The following MBTPS2 variants were observed in gnomAD, a reference collection of about 807,000 sequenced individuals.
MBTPS2 encodes membrane bound transcription factor peptidase, site 2.
A neutral mutation model predicts 35.4 loss-of-function variants in MBTPS2; 2 were observed. The observed-to-expected ratio is 0.06, with a 90% confidence interval of 0.02 to 0.18. The LOEUF (loss-of-function observed/expected upper bound fraction) is 0.18, where lower values mean the gene tolerates loss of function less well. MBTPS2 is among the 10% of genes least tolerant of loss of function. The pLI is 1.00. For synonymous variants in MBTPS2, 125 were observed against 140.4 expected, an observed-to-expected ratio of 0.89 and a Z score of 0.77; for missense variants, 244 against 386.5, an observed-to-expected ratio of 0.63 and a Z score of 3.09.
Position 21,845,394 on chromosome X carries a change from G to A in MBTPS2, c.438+10G>A, listed in dbSNP as rs762399077. 2.9e-5 allele frequency: 34 copies of A among 1,184,583 alleles called. No homozygotes were observed. The highest frequency in any genetic ancestry group is 7.1e-5 in the African/African-American group (4 of 56,124). ...GGTGTTACAAGTTGTGGTAAGTATCGTCTTTTCGCTTTAAATAACTATCGA... is the reference window on the plus strand; with the variant it reads ...GGTGTTACAAGTTGTGGTAAGTATCATCTTTTCGCTTTAAATAACTATCGA... On this transcript the variant is annotated intron_variant, in intron 3 of 10. Coordinates refer to ENST00000379484, the MANE Select transcript of MBTPS2 (RefSeq NM_015884.4).
intron 5 of MBTPS2, chrX:21,858,606 A>G (rs1481377788): frequency 8.1e-6 from 1 of 123,008 alleles, no homozygotes; most frequent in Non-Finnish European, 1.9e-5. Context: ...AAATGCCAAT[A>G]GTGTCAGGTG....
intron 4 of MBTPS2, 138 bp from the exon 5 acceptor site, chrX:21,853,238 T>A: frequency 2.4e-6 from 1 of 408,717 alleles, no homozygotes; most frequent in South Asian, 4.4e-5. Flanking sequence ...AGATATAATT[T>A]TTTTGGCTGT....
rs1352897610 is a variant in MBTPS2, at chrX:21,882,536, A to G, written c.1441A>G (p.Thr481Ala). The G allele has an allele frequency of 8.3e-7, 1 of 1,208,944 alleles. No homozygotes were observed. Among genetic ancestry groups the G allele is most frequent in the Non-Finnish European group, 1.1e-6 (1 of 894,307 alleles). The change falls in exon 11 of 11, where the codon ACC (threonine) becomes GCC (alanine). Residue 481 changes from threonine to alanine, a missense_variant. Transcript: ENST00000379484. The part of the protein sequence containing the change: ...ILNSFLDATL[T>A]SVIGDNDVKD... The stretch of plus-strand genomic sequence containing the variant: ...AAACTCTTTCTTGGATGCCACCCTT[A>G]CCTCAGTGATTGGAGACAATGATGT...
intron 7 of MBTPS2, among the ~76,000 whole-genome samples, chrX:21,874,502 G>A (rs2092951041): frequency 8.9e-6 from 1 of 111,751 alleles, no homozygotes; most frequent in Admixed American, 9.5e-5. Context: ...GATACAGAAA[G>A]TGGTAAGCAC....
chrX:21,862,180 G>A (rs373768251), intron 5 of MBTPS2, among the ~76,000 whole-genome samples: 25 of 110,293 alleles, frequency 2.3e-4, no homozygotes, highest in African/African-American at 7.6e-4. Flanking sequence ...CCCATACCCC[G>A]CCCCATAAGG....
intron 9 of MBTPS2, 136 bp from the exon 10 acceptor site, chrX:21,880,761 G>A: frequency 2.0e-6 from 1 of 491,462 alleles, no homozygotes; most frequent in Non-Finnish European, 3.6e-6. Flanking sequence ...GAGGTATATG[G>A]CCTGCATATG....
At chrX:21,856,981 C>T (rs891364185) in intron 5 of MBTPS2, 1 of 1,211,785 alleles carries the variant, frequency 8.3e-7, no homozygotes, top group African/African-American at 1.7e-5. Flanking sequence ...AGCCTGGGCA[C>T]GAGGAAGTGG....
intron 1 of MBTPS2, 123 bp downstream of exon 1, chrX:21,839,932 T>C: frequency 1.5e-6 from 1 of 661,044 alleles, no homozygotes; most frequent in Admixed American, 2.7e-5. Context: ...ACAGTCCGCG[T>C]GGTGGATCGG....
intron 3 of MBTPS2, among the ~76,000 whole-genome samples, chrX:21,850,974 T>C (rs773410457): frequency 1.8e-5 from 2 of 111,997 alleles, no homozygotes; most frequent in Non-Finnish European, 3.8e-5. Flanking sequence ...CCAGCTTTCA[T>C]TACCAACTCA....
At position 21,839,800 on chromosome X, in the gene MBTPS2, G is replaced by C; in HGVS notation, c.66G>C (p.Leu22Phe). The stretch of plus-strand genomic sequence containing the variant: ...GGACTGTCGTCTACCTGACCGACTT[G>C]GTGCTGAAGGTGAGGGCCTTGGGCC... ...GGWTVVYLTDLVLKSSVYFKH... is the reference protein window; with the variant it reads ...GGWTVVYLTDFVLKSSVYFKH... Residue 22 changes from leucine (L) to phenylalanine (F), a missense_variant, in exon 1 of 11, where the codon TTG (leucine) becomes TTC (phenylalanine). Leu to Phe is a conservative substitution (Grantham distance 22, BLOSUM62 0). Coordinates refer to ENST00000379484, the MANE Select transcript of MBTPS2 (RefSeq NM_015884.4). 8.4e-7 allele frequency: 1 copy of C among 1,192,809 alleles called. No individual in the cohort carries two copies. The highest frequency in any genetic ancestry group is 1.8e-5 in the South Asian group (1 of 54,404).
chrX:21,857,766 T>A, intron 5 of MBTPS2: 1 of 559,575 alleles, frequency 1.8e-6, no homozygotes, highest in Non-Finnish European at 2.7e-6. Flanking sequence ...AAATAGAATT[T>A]AAACGTTTTT....
rs1224164831 is a variant in MBTPS2, at chrX:21,868,496, T to C, written c.700T>C (p.Leu234=). ...GIWHNFVLAL[L]GILALVLLPV... ...CTGGCATAATTTTGTCCTTGCACTC[T>C]TGGGTATTTTAGCTCTTGTTCTCCT... Residue 234 remains leucine (L), a synonymous_variant, in exon 6 of 11, where the codon TTG becomes CTG. Coordinates refer to ENST00000379484, the MANE Select transcript of MBTPS2 (RefSeq NM_015884.4). The C allele has an allele frequency of 3.3e-6, 4 of 1,208,201 alleles. No individual in the cohort carries two copies. The highest frequency in any genetic ancestry group is 2.3e-4 in the Middle Eastern group (1 of 4,344).
rs952771000 is a variant in MBTPS2 at position 21,849,887 on chromosome X, G to C, written c.439-1622G>C. On this transcript the variant is annotated intron_variant, in intron 3 of 10. Transcript: ENST00000379484. ...AAAAAAAAAAAAAAATTAGCCGGGC[G>C]TGGTGGCGGGCGCCTGTAGTCCCAG... is the stretch of plus-strand genomic sequence containing the variant. Among the ~76,000 whole-genome samples the C allele has an allele frequency of 2.8e-5, 3 of 107,191 alleles. No individual in the cohort carries two copies. The East Asian group carries it at 8.8e-4, about 31-fold the overall frequency. 93.1% of individuals were successfully genotyped at this position (107,191 alleles called of 115,157 possible).
In MBTPS2 at chrX:21,856,364, T is replaced by TCTGCAGCTCGCCCCTTC. The variant is rs1569323639; in HGVS notation, c.670+2863_670+2864insGCAGCTCGCCCCTTCCT. The stretch of plus-strand genomic sequence containing the variant: ...CGCCTTTCTCTGCAGCTCGCGCCTT[T>TCTGCAGCTCGCCCCTTC]CTCTGCAGCTCGCCCCTTCCTCTGC... On this transcript the variant is annotated intron_variant, in intron 5 of 10. Coordinates refer to ENST00000379484, the MANE Select transcript of MBTPS2 (RefSeq NM_015884.4). The TCTGCAGCTCGCCCCTTC allele has an allele frequency of 2.4e-5, 15 of 632,079 alleles. No homozygotes were observed. In the African/African-American group the frequency reaches 5.8e-4, roughly 24 times the overall value. 52.1% of individuals were successfully genotyped at this position (632,079 alleles called of 1,213,427 possible).
intron 4 of MBTPS2, among the ~76,000 whole-genome samples, chrX:21,852,590 A>G (rs945481243): frequency 9.1e-6 from 1 of 110,160 alleles, no homozygotes; most frequent in African/African-American, 3.3e-5. Flanking sequence ...CAGCTTAACA[A>G]TTTACAGTAT....
At chrX:21,863,103 C>T (rs1312800121) in intron 5 of MBTPS2, among the ~76,000 whole-genome samples, 3 of 95,169 alleles carry the variant, frequency 3.2e-5, no homozygotes, top group Admixed American at 1.2e-4. Context: ...GAAAAAAAAA[C>T]ACACACACTA....
chrX:21,867,032 G>A (rs200192008), intron 5 of MBTPS2, among the ~76,000 whole-genome samples: 28 of 102,407 alleles, frequency 2.7e-4, no homozygotes, highest in East Asian at 3.0e-4. Flanking sequence ...AAAAAAAAAA[G>A]AAAAAAAGAA....
chrX:21,856,308 CT>C (rs1394837289), intron 5 of MBTPS2: 11 of 367,804 alleles, frequency 3.0e-5, no homozygotes, highest in East Asian at 9.3e-5. Flanking sequence ...TCGCGCCTTT[CT>C]CTGCAGCTCG....
At chrX:21,841,721 G>T (rs762673954) in intron 1 of MBTPS2, 1 of 112,312 alleles carries the variant, frequency 8.9e-6, no homozygotes, top group East Asian at 2.8e-4. Context: ...AGTGTGTGAG[G>T]TGACCAAGAT....
Sources: gnomAD v4.1 joint callset for allele counts (sites outside exome capture counted in the v4.1 genomes callset) on GRCh38, gnomAD v4.1.1 for gene constraint, MANE v1.5 for transcripts, NCBI Gene and HGNC (gene_info 2026-07-23, HGNC 2026-07-21) for gene names.